The following TNKS2 variants were observed in gnomAD, a reference collection of about 807,000 sequenced individuals.
TNKS2 encodes poly [ADP-ribose] polymerase tankyrase-2.
In TNKS2, 72 loss-of-function variants were observed where a neutral mutation model predicts 137.6. The observed-to-expected ratio is 0.52, with a 90% CI of 0.43 to 0.64. The LOEUF (loss-of-function observed/expected upper bound fraction) is 0.64, where lower values mean the gene tolerates loss of function less well. TNKS2 is among the 30% of genes least tolerant of loss of function. The pLI, the probability that TNKS2 is intolerant of heterozygous loss-of-function variation, is 0.00. For missense variants in TNKS2, 1,049 were observed against 1,410.2 expected (o/e 0.74, Z 4.10); for synonymous variants, 516 against 512.1 (o/e 1.01, Z -0.10).
chr10:91,850,149 T>C (rs973412848), intron 20 of TNKS2, among the ~76,000 whole-genome samples: 5 of 151,768 alleles, frequency 3.3e-5, no homozygotes, highest in Admixed American at 6.6e-5. Flanking sequence ...GTGGATCACT[T>C]GAGGTCAGGA....
At chr10:91,850,472 A>G (rs1842509019) in intron 20 of TNKS2, among the ~76,000 whole-genome samples, 1 of 151,498 alleles carries the variant, frequency 6.6e-6, no homozygotes, top group South Asian at 2.1e-4. Context: ...TAATCCCAGC[A>G]CTTTGGGAGG....
intron 23 of TNKS2, 47 bp from the exon 24 acceptor site, chr10:91,857,378 A>G: frequency 1.5e-6 from 2 of 1,377,078 alleles, no homozygotes; most frequent in Non-Finnish European, 1.0e-6. Flanking sequence ...TGAAGAAGTC[A>G]GTAAGTAATT....
intron 7 of TNKS2, among the ~76,000 whole-genome samples, chr10:91,826,642 G>T (rs1423203469): frequency 6.6e-6 from 1 of 152,172 alleles, no homozygotes; most frequent in African/African-American, 2.4e-5. Flanking sequence ...AAAGTGTCTT[G>T]TATCTTGATT....
At chr10:91,826,522 T>C (rs1013193171) in intron 7 of TNKS2, among the ~76,000 whole-genome samples, 5 of 152,232 alleles carry the variant, frequency 3.3e-5, no homozygotes, top group Admixed American at 6.5e-5. Context: ...GTTAGAAATT[T>C]ATATTCTTCT....
chr10:91,798,936 G>T, intron 1 of TNKS2, 47 bp downstream of exon 1: 1 of 1,319,274 alleles, frequency 7.6e-7, no homozygotes, highest in Non-Finnish European at 9.7e-7. Context: ...CCCCACCTGC[G>T]CAGCCGGGGC....
At position 91,811,146 on chromosome 10, in the gene TNKS2, G is replaced by A. The variant is rs369641570; in HGVS notation, c.200-1837G>A. On this transcript the variant is annotated intron_variant, in intron 1 of 26. Transcript: ENST00000371627. ...TCACCATGCTGGCCAGGCTGGTCTCGAACTCCTGACCTCGTGATCTGCCCA... is the reference window on the plus strand; with the variant it reads ...TCACCATGCTGGCCAGGCTGGTCTCAAACTCCTGACCTCGTGATCTGCCCA... Among the ~76,000 whole-genome samples, 72 of 149,460 alleles carry A rather than the reference G, an allele frequency of 4.8e-4. No homozygotes were observed. In the East Asian group the frequency reaches 0.011, roughly 23 times the overall value.
chr10:91,863,591 ATTGAG>A lies in TNKS2; in HGVS notation c.*595_*599del, dbSNP rs1218546074. The A allele has an allele frequency of 6.6e-6, 1 of 152,286 alleles. No individual in the cohort carries two copies. Among genetic ancestry groups the A allele is most frequent in the Non-Finnish European group, 1.5e-5 (1 of 68,026 alleles). 9.4% of individuals were successfully genotyped at this position (152,286 alleles called of 1,614,324 possible). On this transcript the variant is annotated 3_prime_UTR_variant, in exon 27 of 27. Transcript: ENST00000371627. ...TATGTTCAGTTGTTAGTTGGGAAAG[ATTGAG>A]TTATCAGATTTAATTTGCCGATGGG...
At chr10:91,842,503 G>T in intron 16 of TNKS2, 112 bp downstream of exon 16, 2 of 949,236 alleles carry the variant, frequency 2.1e-6, no homozygotes, top group South Asian at 3.2e-5. Flanking sequence ...GCCAAGCATG[G>T]TGGCTCACAC....
At chr10:91,840,895 G>T (rs1449218881) in intron 14 of TNKS2, among the ~76,000 whole-genome samples, 189 bp downstream of exon 14, 1 of 152,020 alleles carries the variant, frequency 6.6e-6, no homozygotes, top group African/African-American at 2.4e-5. Context: ...GACTTTATTG[G>T]CATAATGCCT....
chr10:91,833,573 C>A (rs1841891020), intron 11 of TNKS2, among the ~76,000 whole-genome samples: 1 of 152,124 alleles, frequency 6.6e-6, no homozygotes, highest in South Asian at 2.1e-4. Flanking sequence ...CTTTCTTAGG[C>A]AGTGTCTAGC....
rs2133679533 is a variant in TNKS2, at chr10:91,855,650, C to T, written c.2950C>T (p.His984Tyr). The T allele has an allele frequency of 6.2e-7, 1 of 1,613,148 alleles. No homozygotes were observed. The highest frequency in any genetic ancestry group is 8.5e-7 in the Non-Finnish European group (1 of 1,179,546). The change falls in exon 23 of 27, where the codon CAT becomes TAT. Residue 984 changes from histidine to tyrosine, a missense_variant. His to Tyr is a moderately conservative substitution (Grantham distance 83, BLOSUM62 2). This residue lies in a region of TNKS2 where 133 missense variants were observed against 248.4 expected (regional missense o/e 0.54). Transcript: ENST00000371627. ...STVREHRDGG[H>Y]AGGIFNRYNI... ...AGTTCGAGAGCACAGAGATGGAGGT[C>T]ATGCAGGTGGAATCTTCAACAGATA...
chr10:91,863,489 T>G lies in TNKS2; in HGVS notation c.*490T>G, dbSNP rs1842905883. The stretch of plus-strand genomic sequence containing the variant: ...TAGAACTGCAGCGGTTTACAAAATT[T>G]TTTCATATGTATTGTTCATCTATAC... On this transcript the variant is annotated 3_prime_UTR_variant, in exon 27 of 27. Coordinates refer to ENST00000371627, the MANE Select transcript of TNKS2 (RefSeq NM_025235.4). The G allele has an allele frequency of 6.5e-6, 1 of 152,700 alleles. No individual in the cohort carries two copies. Among genetic ancestry groups the G allele is most frequent in the Non-Finnish European group, 1.5e-5 (1 of 68,072 alleles). 9.5% of individuals were successfully genotyped at this position (152,700 alleles called of 1,614,324 possible).
chr10:91,821,692 A>G (rs1028125365), intron 6 of TNKS2, among the ~76,000 whole-genome samples: 2 of 152,200 alleles, frequency 1.3e-5, no homozygotes, highest in African/African-American at 2.4e-5. Context: ...AGGATCTCAA[A>G]AAAGTTTTAA....
At chr10:91,839,311 C>T (rs565056327) in intron 13 of TNKS2, among the ~76,000 whole-genome samples, 6 of 151,660 alleles carry the variant, frequency 4.0e-5, no homozygotes, top group African/African-American at 1.2e-4. Flanking sequence ...CTTAATTCTC[C>T]CCAGGACTGT....
chr10:91,799,900 A>G (rs1213973197), intron 1 of TNKS2, among the ~76,000 whole-genome samples: 1 of 152,230 alleles, frequency 6.6e-6, no homozygotes, highest in Non-Finnish European at 1.5e-5. Context: ...ATCGGGGAAT[A>G]CCTTTTAAAG....
Position 91,842,274 on chromosome 10 carries a change from G to C in TNKS2, c.1942G>C (p.Ala648Pro), listed in dbSNP as rs1350643346. The C allele has an allele frequency of 6.2e-7, 1 of 1,613,980 alleles. No individual in the cohort carries two copies. Among genetic ancestry groups the C allele is most frequent in the Non-Finnish European group, 8.5e-7 (1 of 1,179,982 alleles). ...TCAAGATCTGCTTAGGGGAGATGCAGCTTTGCTAGATGCTGCCAAGAAGGG... is the reference window on the plus strand; with the variant it reads ...TCAAGATCTGCTTAGGGGAGATGCACCTTTGCTAGATGCTGCCAAGAAGGG... The part of the protein sequence containing the change: ...DIQDLLRGDA[A>P]LLDAAKKGCL... Residue 648 changes from alanine (A) to proline (P), a missense_variant, in exon 16 of 27, where the codon GCT (alanine) becomes CCT (proline). Around this residue, in one of 6 missense-constraint regions of TNKS2, gnomAD observed 328 missense variants for 436.0 expected, o/e 0.75. Transcript: ENST00000371627.
chr10:91,808,324 A>C (rs1007859439), intron 1 of TNKS2, among the ~76,000 whole-genome samples: 27 of 151,938 alleles, frequency 1.8e-4, no homozygotes, highest in Admixed American at 3.3e-4. Flanking sequence ...AGTCGCTGAC[A>C]TACTTGACAA....
At chr10:91,833,128 C>G (rs1841872957) in intron 11 of TNKS2, among the ~76,000 whole-genome samples, 1 of 152,096 alleles carries the variant, frequency 6.6e-6, no homozygotes, top group African/African-American at 2.4e-5. Context: ...GTATATACAC[C>G]TATGTAACCA....
intron 23 of TNKS2, among the ~76,000 whole-genome samples, chr10:91,856,444 T>C (rs1365047087): frequency 6.6e-6 from 1 of 152,202 alleles, no homozygotes; most frequent in African/African-American, 2.4e-5. Context: ...CATAACATAC[T>C]ATGAGTATAA....
Sources: gnomAD v4.1 joint callset for allele counts (sites outside exome capture counted in the v4.1 genomes callset) on GRCh38, gnomAD v4.1.1 for gene constraint, gnomAD v4.1.1 regional missense constraint, MANE v1.5 for transcripts, NCBI Gene and HGNC (gene_info 2026-07-23, HGNC 2026-07-21) for gene names.